The following TCOF1 variants were observed in gnomAD, a reference collection of about 807,000 sequenced individuals.
The protein encoded by TCOF1 is treacle ribosome biogenesis factor 1, also known as treacle protein.
Under a neutral mutation model 149.0 loss-of-function variants are expected in TCOF1, and 33 were observed. The ratio of observed to expected loss-of-function variants is 0.22; its 90% CI spans 0.17 to 0.30. The LOEUF is 0.30. Among genes scored for constraint, TCOF1 ranks in the 10% least tolerant of loss-of-function variants. TCOF1 has a pLI of 1.00. For synonymous variants in TCOF1, 789 were observed against 738.8 expected (o/e 1.07, Z -1.10); for missense variants, 1,728 against 1,840.7 (o/e 0.94, Z 1.12).
rs1359794047 is a variant in TCOF1, at chr5:150,359,217, T to G, written c.108+1363T>G. Among the ~76,000 whole-genome samples the G allele has an allele frequency of 4.0e-5, 6 of 151,658 alleles. No individual in the cohort carries two copies. The East Asian group carries it at 9.8e-4, about 25-fold the overall frequency. On this transcript the variant is annotated intron_variant, in intron 1 of 26. Coordinates refer to ENST00000643257, the MANE Select transcript of TCOF1 (RefSeq NM_001371623.1). ...CAAAAATTAGCCATGCATGGTGGCA[T>G]GCACCTGTAGTCCCAGTTACTCGGG...
intron 4 of TCOF1, chr5:150,368,502 T>C (rs577825253): frequency 6.8e-6 from 4 of 589,736 alleles, no homozygotes; most frequent in Non-Finnish European, 6.0e-6. Flanking sequence ...ATAACTACCA[T>C]GTCCCAAGAA....
chr5:150,397,640 T>G (rs537425158), intron 24 of TCOF1, among the ~76,000 whole-genome samples: 8 of 152,240 alleles, frequency 5.3e-5, no homozygotes, highest in Admixed American at 3.3e-4. Context: ...GACGGTGGGT[T>G]GCCAGTGACG....
Position 150,396,703 on chromosome 5 carries a change from G to A in TCOF1, c.4206G>A (p.Glu1402=), listed in dbSNP as rs1241979988. Residue 1402 remains glutamate, a synonymous_variant, in exon 24 of 27, where the codon GAG becomes GAA. Coordinates refer to ENST00000643257, the MANE Select transcript of TCOF1 (RefSeq NM_001371623.1). ...KRDKASGDVK[E]KKGKGSLGSQ... ...ACAAAGCAAGTGGTGATGTCAAGGAGAAGAAAGGGAAGGGGTCTCTTGGCT... is the reference window on the plus strand; with the variant it reads ...ACAAAGCAAGTGGTGATGTCAAGGAAAAGAAAGGGAAGGGGTCTCTTGGCT... The A allele has an allele frequency of 6.2e-7, 1 of 1,612,820 alleles. No individual in the cohort carries two copies. The highest frequency in any genetic ancestry group is 2.2e-5 in the East Asian group (1 of 44,848).
intron 14 of TCOF1, 52 bp downstream of exon 14, chr5:150,376,672 G>A (rs537973976): frequency 6.5e-7 from 1 of 1,534,700 alleles, no homozygotes; most frequent in East Asian, 2.4e-5. Context: ...TCCTGAGCCA[G>A]GGCTGAGGAT....
At position 150,370,407 on chromosome 5, in the gene TCOF1, G is replaced by A. The variant is rs1762263322; in HGVS notation, c.639+805G>A. Among the ~76,000 whole-genome samples the A allele has an allele frequency of 2.0e-5, 3 of 152,220 alleles. No individual in the cohort carries two copies. In the South Asian group the frequency reaches 6.2e-4, roughly 32 times the overall value. ...GTCTCACTGTGTCACCCAAGCTGGA[G>A]TGCAGTAGCGCGATCTTGGCTAGCT... On this transcript the variant is annotated intron_variant, in intron 6 of 26. Transcript: ENST00000643257.
intron 23 of TCOF1, 145 bp downstream of exon 23, chr5:150,393,697 A>G: frequency 9.2e-7 from 1 of 1,088,634 alleles, no homozygotes; most frequent in South Asian, 1.4e-5. Context: ...GTGGCCTTGC[A>G]TTGGACCTGA....
chr5:150,375,902 C>G lies in TCOF1; in HGVS notation c.1886C>G (p.Ala629Gly). Residue 629 changes from alanine (A) to glycine (G), a missense_variant, in exon 12 of 27, where the codon GCA (alanine) becomes GGA (glycine). By Grantham distance (60) the Ala-to-Gly change is moderately conservative (BLOSUM62 0). Transcript: ENST00000643257. ...DSEEAPAAMT[A>G]AQAKPALKIP... ...GAGGAGGCACCAGCAGCCATGACTG[C>G]AGCTCAGGTGAGGCCTGGGGAAGGA... 6.2e-7 allele frequency: 1 copy of G among 1,614,240 alleles called. No homozygotes were observed. The highest frequency in any genetic ancestry group is 8.5e-7 in the Non-Finnish European group (1 of 1,180,056).
At chr5:150,360,013 G>A (rs1759674266) in intron 1 of TCOF1, among the ~76,000 whole-genome samples, 1 of 152,168 alleles carries the variant, frequency 6.6e-6, no homozygotes. Flanking sequence ...CCGCGTTAGA[G>A]GCAGGGTGGC....
chr5:150,371,455 C>T (rs561800618), intron 6 of TCOF1, among the ~76,000 whole-genome samples: 2 of 152,294 alleles, frequency 1.3e-5, no homozygotes, highest in East Asian at 1.9e-4. Context: ...CCCAGGGCCG[C>T]AAGGGGTCTG....
At chr5:150,376,010 C>G in intron 12 of TCOF1, 72 bp from the exon 13 acceptor site, 1 of 1,613,528 alleles carries the variant, frequency 6.2e-7, no homozygotes, top group Non-Finnish European at 8.5e-7. Flanking sequence ...TGGGTTTTGG[C>G]TGGTGGGGCA....
Position 150,397,764 on chromosome 5 carries a change from G to A in TCOF1, c.4346-590G>A, listed in dbSNP as rs150096988. 2.1e-4 allele frequency among the ~76,000 whole-genome samples: 32 copies of A among 152,296 alleles called. No homozygotes were observed. The East Asian group carries it at 5.6e-3, about 27-fold the overall frequency. Reference sequence around the variant, plus strand: ...TCCATTTACAGTAGGGATAGATAGTGTCCATTTAAAATAAATTTGCGGGAG... The same window carrying A: ...TCCATTTACAGTAGGGATAGATAGTATCCATTTAAAATAAATTTGCGGGAG... On this transcript the variant is annotated intron_variant, in intron 24 of 26. Coordinates refer to ENST00000643257, the MANE Select transcript of TCOF1 (RefSeq NM_001371623.1).
At chr5:150,390,995 A>G (rs989242919) in intron 19 of TCOF1, among the ~76,000 whole-genome samples, 5 of 152,196 alleles carry the variant, frequency 3.3e-5, no homozygotes, top group Non-Finnish European at 7.3e-5. Context: ...GCCTCCTGAG[A>G]CAGCGATGCT....
At chr5:150,376,754 T>C in intron 14 of TCOF1, 134 bp downstream of exon 14, 1 of 880,638 alleles carries the variant, frequency 1.1e-6, no homozygotes, top group South Asian at 1.4e-5. Flanking sequence ...ACAGCTTCCT[T>C]CCCTATCTTT....
intron 19 of TCOF1, 78 bp from the exon 20 acceptor site, chr5:150,391,466 A>C: frequency 4.6e-6 from 6 of 1,295,814 alleles, no homozygotes; most frequent in Non-Finnish European, 6.7e-6. Flanking sequence ...CCCCAGCCAG[A>C]CAGCATCTGA....
rs1760749483 is a variant in TCOF1, at chr5:150,364,052, T to A, written c.165-61T>A. The A allele has an allele frequency of 4.9e-5, 79 of 1,612,668 alleles. No individual in the cohort carries two copies. The South Asian group carries it at 8.1e-4, about 17-fold the overall frequency. Reference sequence around the variant, plus strand: ...GAAGGATGCGGGAAGGTCTGTCTAGTCAATTCTTGTGGAGTTGTTCTGTCA... The same window carrying A: ...GAAGGATGCGGGAAGGTCTGTCTAGACAATTCTTGTGGAGTTGTTCTGTCA... On this transcript the variant is annotated intron_variant, in intron 2 of 26. Transcript: ENST00000643257.
intron 17 of TCOF1, among the ~76,000 whole-genome samples, chr5:150,381,031 A>T (rs560755476): frequency 6.6e-6 from 1 of 152,130 alleles, no homozygotes; most frequent in Non-Finnish European, 1.5e-5. Context: ...AAAAAAAGAG[A>T]TGATAAATGT....
At chr5:150,398,247 G>A in intron 24 of TCOF1, 107 bp from the exon 25 acceptor site, 12 of 1,586,336 alleles carry the variant, frequency 7.6e-6, no homozygotes, top group Non-Finnish European at 1.0e-5. Context: ...GATGGCTTCT[G>A]GTGGTGTGGG....
chr5:150,377,227 C>T (rs867891504), intron 14 of TCOF1, among the ~76,000 whole-genome samples: 2 of 152,176 alleles, frequency 1.3e-5, no homozygotes, highest in Admixed American at 1.3e-4. Flanking sequence ...AGAGCCAGAC[C>T]GCCTGGGTTC....
At chr5:150,358,126 A>T (rs1254678162) in intron 1 of TCOF1, among the ~76,000 whole-genome samples, 2 of 151,864 alleles carry the variant, frequency 1.3e-5, no homozygotes, top group Non-Finnish European at 2.9e-5. Context: ...CGCTTCCCTT[A>T]CCTCCACGCC....
Sources: gnomAD v4.1 joint callset for allele counts (sites outside exome capture counted in the v4.1 genomes callset) on GRCh38, gnomAD v4.1.1 for gene constraint, MANE v1.5 for transcripts, NCBI Gene and HGNC (gene_info 2026-07-23, HGNC 2026-07-21) for gene names.